TTBK2: variants seen among roughly 807,000 people sequenced by gnomAD.
TTBK2 encodes tau tubulin kinase 2, also known as tau-tubulin kinase 2.
In TTBK2, 28 loss-of-function variants were observed where a neutral mutation model predicts 110.8. The ratio of observed to expected loss-of-function variants is 0.25; its 90% CI spans 0.19 to 0.35. The LOEUF (loss-of-function observed/expected upper bound fraction) is 0.35, where lower values mean the gene tolerates loss of function less well. Among genes scored for constraint, TTBK2 ranks in the 10% least tolerant of loss-of-function variants. TTBK2 has a pLI of 1.00. For synonymous variants in TTBK2, 532 were observed against 527.3 expected (o/e 1.01, Z -0.12); for missense variants, 1,369 against 1,500.3 (o/e 0.91, Z 1.45).
intron 3 of TTBK2, among the ~76,000 whole-genome samples, chr15:42,863,261 G>A (rs1014005791): frequency 1.3e-5 from 2 of 151,988 alleles, no homozygotes; most frequent in African/African-American, 4.8e-5. Flanking sequence ...CATTTCTATA[G>A]ACCAATAATG....
chr15:42,744,788 T>G lies in TTBK2; in HGVS notation c.*1007A>C. 1 of 152,372 alleles carries G rather than the reference T, an allele frequency of 6.6e-6. No homozygotes were observed. Among genetic ancestry groups the G allele is most frequent in the East Asian group, 1.9e-4 (1 of 5,204 alleles). 9.4% of individuals were successfully genotyped at this position (152,372 alleles called of 1,614,324 possible). A position where few individuals can be genotyped will look rare whatever the true frequency, so the allele number is the denominator to read the frequency against. ...GCCTCAATAATATATCTAATTTATT[T>G]CTAAATCTCAAATCACAGTCCAAAG... On this transcript the variant is annotated 3_prime_UTR_variant, in exon 15 of 15. Coordinates refer to ENST00000267890, the MANE Select transcript of TTBK2 (RefSeq NM_173500.4).
At chr15:42,840,719 A>C (rs1893186226) in intron 3 of TTBK2, 1 of 463,152 alleles carries the variant, frequency 2.2e-6, no homozygotes, top group Admixed American at 3.3e-5. Flanking sequence ...GAAAAGATTA[A>C]GTGGTCAATT....
chr15:42,900,193 A>G (rs2029906366), intron 1 of TTBK2, among the ~76,000 whole-genome samples: 1 of 151,264 alleles, frequency 6.6e-6, no homozygotes. Context: ...GGGTTTCACC[A>G]TGTTGGTCAG....
rs8024449 is a variant in TTBK2 at position 42,901,601 on chromosome 15, C to T, written c.-68+18837G>A. 8.6e-4 allele frequency among the ~76,000 whole-genome samples: 125 copies of T among 145,368 alleles called. 1 individual carries two copies. The highest frequency in any genetic ancestry group is 3.0e-3 in the African/African-American group (117 of 39,296). Reference sequence around the variant, plus strand: ...GTTCAAGTCCAGCTGGGCAAAATAGCGAGACCTCGTCTCTAAAAAAAAAAA... The same window carrying T: ...GTTCAAGTCCAGCTGGGCAAAATAGTGAGACCTCGTCTCTAAAAAAAAAAA... On this transcript the variant is annotated intron_variant, in intron 1 of 14. Coordinates refer to ENST00000267890, the MANE Select transcript of TTBK2 (RefSeq NM_173500.4).
At chr15:42,904,818 T>C (rs923642185) in intron 1 of TTBK2, among the ~76,000 whole-genome samples, 2 of 152,138 alleles carry the variant, frequency 1.3e-5, no homozygotes, top group South Asian at 2.1e-4. Flanking sequence ...AGTTAATCAA[T>C]AGATATTTGG....
At position 42,898,017 on chromosome 15, in the gene TTBK2, C is replaced by T. The variant is rs1895735950; in HGVS notation, c.-67-19333G>A. ...TCAGCCTGGAAAACTTGGTGAAACT[C>T]CATATCTATAAAAAGTATAAAAAAT... is the stretch of plus-strand genomic sequence containing the variant. On this transcript the variant is annotated intron_variant, in intron 1 of 14. Coordinates refer to ENST00000267890, the MANE Select transcript of TTBK2 (RefSeq NM_173500.4). 2.0e-5 allele frequency among the ~76,000 whole-genome samples: 3 copies of T among 151,938 alleles called. No homozygotes were observed. In the South Asian group the frequency reaches 6.2e-4, roughly 32 times the overall value.
chr15:42,754,580 A>G (rs553901370), intron 13 of TTBK2, among the ~76,000 whole-genome samples: 1 of 150,858 alleles, frequency 6.6e-6, no homozygotes, highest in Non-Finnish European at 1.5e-5. Flanking sequence ...TATTTTTAGT[A>G]GAGACGGGGT....
At chr15:42,905,485 G>C (rs2030336727) in intron 1 of TTBK2, among the ~76,000 whole-genome samples, 1 of 151,982 alleles carries the variant, frequency 6.6e-6, no homozygotes, top group South Asian at 2.1e-4. Context: ...TCAAACTCCT[G>C]AATTCAAGAG....
At chr15:42,788,447 A>G (rs116573426) in intron 10 of TTBK2, among the ~76,000 whole-genome samples, 1,527 of 152,186 alleles carry the variant, frequency 0.01, 28 homozygotes, top group African/African-American at 0.035. Flanking sequence ...CTATCTTCCT[A>G]TTCTCTGTTC....
intron 1 of TTBK2, chr15:42,919,835 A>G (rs2031272790): frequency 1.0e-6 from 1 of 985,344 alleles, no homozygotes; most frequent in African/African-American, 1.7e-5. Context: ...TGGATTATTT[A>G]CTTCTCCGAT....
intron 7 of TTBK2, among the ~76,000 whole-genome samples, chr15:42,815,895 TATATATATATATTTAAAA>T (rs1480339424): frequency 3.1e-4 from 23 of 73,126 alleles, no homozygotes; most frequent in Non-Finnish European, 4.2e-4. Flanking sequence ...TATTTAAAAA[TATATATATATATTTAAAA>T]ATATATATAT....
intron 9 of TTBK2, among the ~76,000 whole-genome samples, chr15:42,802,717 G>A (rs1891277358): frequency 6.6e-6 from 1 of 152,198 alleles, no homozygotes. Context: ...GCATCATACA[G>A]TGTACTGTGA....
chr15:42,752,770 T>C lies in TTBK2; in HGVS notation c.2476A>G (p.Thr826Ala), dbSNP rs1454842883. 1.2e-6 allele frequency: 2 copies of C among 1,614,226 alleles called. No homozygotes were observed. Among genetic ancestry groups the C allele is most frequent in the East Asian group, 2.2e-5 (1 of 44,884 alleles). Residue 826 changes from threonine to alanine, a missense_variant, in exon 14 of 15, where the codon ACA (threonine) becomes GCA (alanine). Physicochemically the swap from Thr to Ala is moderately conservative, Grantham distance 58 (BLOSUM62 0). Transcript: ENST00000267890. ...HSATTEPLDV[T>A]KTQTFSVVPN... ...ACCACACTAAAAGTCTGTGTTTTTGTCACATCAAGAGGTTCAGTAGTAGCT... is the reference window on the plus strand; with the variant it reads ...ACCACACTAAAAGTCTGTGTTTTTGCCACATCAAGAGGTTCAGTAGTAGCT...
intron 9 of TTBK2, among the ~76,000 whole-genome samples, chr15:42,810,210 C>G (rs1891647365): frequency 1.3e-5 from 2 of 152,148 alleles, no homozygotes; most frequent in African/African-American, 4.8e-5. Flanking sequence ...ACCGCTGTCC[C>G]ATAGCATATT....
Position 42,828,921 on chromosome 15 carries a change from C to T in TTBK2, c.433-889G>A, listed in dbSNP as rs147537580. ...AGTATGTAAGTAAGAGGACTTGTGACGGTAAAAGCCAAATTGTTACCAGAA... is the reference window on the plus strand; with the variant it reads ...AGTATGTAAGTAAGAGGACTTGTGATGGTAAAAGCCAAATTGTTACCAGAA... On this transcript the variant is annotated intron_variant, in intron 5 of 14. Coordinates refer to ENST00000267890, the MANE Select transcript of TTBK2 (RefSeq NM_173500.4). Among the ~76,000 whole-genome samples, 333 of 152,200 alleles carry T rather than the reference C, an allele frequency of 2.2e-3. 2 individuals carry two copies. The highest frequency in any genetic ancestry group is 7.5e-3 in the African/African-American group (311 of 41,520).
rs751291490 is a variant in TTBK2, at chr15:42,752,798, G to A, written c.2448C>T (p.His816=). 2 of 1,614,204 alleles carry A rather than the reference G, an allele frequency of 1.2e-6. No homozygotes were observed. Among genetic ancestry groups the A allele is most frequent in the East Asian group, 2.2e-5 (1 of 44,882 alleles). Residue 816 remains histidine, a synonymous_variant, in exon 14 of 15, where the codon CAC becomes CAT. Transcript: ENST00000267890. ...CATCAAGAGGTTCAGTAGTAGCTGA[G>A]TGATCCTTTTCCACAATTACCAAAT... ...PGDLVIVEKD[H]SATTEPLDVT...
chr15:42,857,111 G>A (rs1202658464), intron 3 of TTBK2, among the ~76,000 whole-genome samples: 4 of 151,910 alleles, frequency 2.6e-5, no homozygotes, highest in Non-Finnish European at 5.9e-5. Flanking sequence ...TGTAACAACT[G>A]TATCACAAGA....
chr15:42,836,931 T>A (rs1173939948), intron 4 of TTBK2, among the ~76,000 whole-genome samples: 1 of 152,164 alleles, frequency 6.6e-6, no homozygotes, highest in East Asian at 1.9e-4. Flanking sequence ...ATAAAACTTG[T>A]TCTCTCCTCC....
At chr15:42,766,417 G>A (rs531059780) in intron 13 of TTBK2, among the ~76,000 whole-genome samples, 3 of 102,170 alleles carry the variant, frequency 2.9e-5, no homozygotes, top group African/African-American at 3.9e-5. Context: ...ATAAAGGGAC[G>A]AAGGAAGATC....
Sources: gnomAD v4.1 joint callset for allele counts (sites outside exome capture counted in the v4.1 genomes callset) on GRCh38, gnomAD v4.1.1 for gene constraint, MANE v1.5 for transcripts, NCBI Gene and HGNC (gene_info 2026-07-23, HGNC 2026-07-21) for gene names.